Variants in ITGB4 observed in about 807,000 individuals in gnomAD.
ITGB4 encodes integrin subunit beta 4.
ITGB4 carries 159 observed loss-of-function variants against 207.6 expected under a neutral mutation model. That is an observed-to-expected ratio of 0.77 (90% confidence interval 0.67 to 0.87). ITGB4 has a LOEUF of 0.87. Among genes scored for constraint, ITGB4 ranks in the 40% least tolerant of loss-of-function variants. ITGB4 has a pLI of 0.00. For synonymous variants in ITGB4, 1,020 were observed against 1,062.7 expected (o/e 0.96, Z 0.78); for missense variants, 2,278 against 2,546.8 (o/e 0.89, Z 2.27).
At chr17:75,755,587 C>T (rs1599318074) in intron 34 of ITGB4, 114 bp from the exon 35 acceptor site, 5 of 1,361,866 alleles carry the variant, frequency 3.7e-6, no homozygotes, top group Admixed American at 1.7e-5. Context: ...GTTGTCCAGC[C>T]AGCGGTCAGT....
Position 75,727,989 on chromosome 17 carries a change from C to T in ITGB4, c.469+134C>T. On this transcript the variant is annotated intron_variant, in intron 5 of 39. Coordinates refer to ENST00000200181, the MANE Select transcript of ITGB4 (RefSeq NM_000213.5). This position sits in a 1 kb window ranked among gnomAD's most constrained non-coding sequence, Gnocchi z 6.0. ...GACATTTGAGCCCCCAAAAACCTTC[C>T]CTTCCATTCTCAAGGGAAGAATCTC... 1 of 797,130 alleles carries T rather than the reference C, an allele frequency of 1.3e-6. No individual in the cohort carries two copies. Among genetic ancestry groups the T allele is most frequent in the Admixed American group, 2.3e-5 (1 of 42,766 alleles). 49.4% of individuals were successfully genotyped at this position (797,130 alleles called of 1,614,324 possible). A position where few individuals can be genotyped will look rare whatever the true frequency, so the allele number is the denominator to read the frequency against.
chr17:75,751,194 CACT>C, intron 30 of ITGB4, 83 bp downstream of exon 30: 1 of 1,530,564 alleles, frequency 6.5e-7, no homozygotes, highest in Non-Finnish European at 8.9e-7. Context: ...AGCTCTTGGT[CACT>C]CCCTGGACCT....
chr17:75,753,765 G>T lies in ITGB4; in HGVS notation c.4109G>T (p.Gly1370Val). Residue 1370 changes from glycine to valine, a missense_variant and splice_region_variant, in exon 33 of 40, where the codon GGC becomes GTC. By Grantham distance (109) the Gly-to-Val change is moderately radical (BLOSUM62 -3). Transcript: ENST00000200181. ...AACGCGGCCCTTCGTTGTTCCCAAG[G>T]CTGCGGCTGGAAGTTCGAGCCCCTG... The part of the protein sequence containing the change: ...SQRPSVSDDT[G>V]CGWKFEPLLG... 1 of 1,440,750 alleles carries T rather than the reference G, an allele frequency of 6.9e-7. No homozygotes were observed. The highest frequency in any genetic ancestry group is 1.5e-5 in the South Asian group (1 of 66,562). 89.2% of individuals were successfully genotyped at this position (1,440,750 alleles called of 1,614,324 possible). A position where few individuals can be genotyped will look rare whatever the true frequency, so the allele number is the denominator to read the frequency against.
chr17:75,742,533 C>A lies in ITGB4; in HGVS notation c.2782+44C>A, dbSNP rs759557274. On this transcript the variant is annotated intron_variant, in intron 24 of 39. Coordinates refer to ENST00000200181, the MANE Select transcript of ITGB4 (RefSeq NM_000213.5). The surrounding 1 kb of genome is among the most constrained non-coding windows in gnomAD (Gnocchi z 5.9). ...TGTGCCACTGCCTCGCACCTCCCGC[C>A]TGTGTGGCCCTGTGACCCACCTCTG... 6.2e-7 allele frequency: 1 copy of A among 1,613,474 alleles called. No individual in the cohort carries two copies. The highest frequency in any genetic ancestry group is 8.5e-7 in the Non-Finnish European group (1 of 1,179,886).
intron 32 of ITGB4, among the ~76,000 whole-genome samples, chr17:75,752,842 A>G (rs898192919): frequency 6.6e-6 from 1 of 152,176 alleles, no homozygotes; most frequent in African/African-American, 2.4e-5. Context: ...TTGAAGGTTC[A>G]CCAGCTGTGC....
In ITGB4 at chr17:75,736,853, T is replaced by G. The variant is rs981835330; in HGVS notation, c.1990+159T>G. On this transcript the variant is annotated intron_variant, in intron 16 of 39. Coordinates refer to ENST00000200181, the MANE Select transcript of ITGB4 (RefSeq NM_000213.5). The stretch of plus-strand genomic sequence containing the variant: ...GCTGGGAGGGACCACAGAACCCAGA[T>G]AGAGGACACCGAATCCCAGAAAAGG... 6.2e-6 allele frequency: 5 copies of G among 812,086 alleles called. No homozygotes were observed. The African/African-American group carries it at 6.8e-5, about 11-fold the overall frequency. The allele number at this position is 812,086 out of a possible 1,614,324, so 50.3% of individuals were successfully genotyped here.
chr17:75,747,085 A>AT lies in ITGB4; in HGVS notation c.3112-1753dup, dbSNP rs199861365. On this transcript the variant is annotated intron_variant, in intron 26 of 39. Coordinates refer to ENST00000200181, the MANE Select transcript of ITGB4 (RefSeq NM_000213.5). ...TTACATAGATTCACCGATTGCTAAT[A>AT]TTTGCTTTCTCTCTCTTTCTATATA... 3.8e-3 allele frequency among the ~76,000 whole-genome samples: 581 copies of AT among 152,284 alleles called. 8 individuals are homozygous for AT. Among genetic ancestry groups the AT allele is most frequent in the African/African-American group, 0.013 (558 of 41,556 alleles).
In ITGB4 at chr17:75,731,239, C is replaced by T; in HGVS notation, c.1093-7C>T. On this transcript the variant is annotated splice_region_variant and splice_polypyrimidine_tract_variant and intron_variant, in intron 9 of 39. Coordinates refer to ENST00000200181, the MANE Select transcript of ITGB4 (RefSeq NM_000213.5). The surrounding 1 kb of genome is among the most constrained non-coding windows in gnomAD (Gnocchi z 6.8). ...CAGAGCACTGATCAACCTCCTTCCT[C>T]CTTTAGCGGATCCGCTCCAACCTGG... The T allele has an allele frequency of 2.5e-6, 4 of 1,613,350 alleles. No homozygotes were observed. The highest frequency in any genetic ancestry group is 3.4e-6 in the Non-Finnish European group (4 of 1,180,022).
Position 75,740,773 on chromosome 17 carries a change from GCCCCT to G in ITGB4, c.2551-16_2551-12del. The G allele has an allele frequency of 1.2e-6, 2 of 1,612,380 alleles. No homozygotes were observed. Among genetic ancestry groups the G allele is most frequent in the Non-Finnish European group, 1.7e-6 (2 of 1,179,826 alleles). On this transcript the variant is annotated splice_polypyrimidine_tract_variant and intron_variant, in intron 21 of 39. Coordinates refer to ENST00000200181, the MANE Select transcript of ITGB4 (RefSeq NM_000213.5). The surrounding 1 kb of genome is among the most constrained non-coding windows in gnomAD (Gnocchi z 5.9). ...CGGGGTGGCCTAGGCCCAGCCTCACGCCCCTCCCTTGCCTGGCAGCTGAACGAGGT... is the reference window on the plus strand; with the variant it reads ...CGGGGTGGCCTAGGCCCAGCCTCACGCCCTTGCCTGGCAGCTGAACGAGGT...
rs912232171 is a variant in ITGB4, at chr17:75,739,718, C to T, written c.2254+13C>T. 1 of 1,614,104 alleles carries T rather than the reference C, an allele frequency of 6.2e-7. No homozygotes were observed. The highest frequency in any genetic ancestry group is 1.1e-5 in the South Asian group (1 of 91,082). On this transcript the variant is annotated intron_variant, in intron 19 of 39. Coordinates refer to ENST00000200181, the MANE Select transcript of ITGB4 (RefSeq NM_000213.5). This position sits in a 1 kb window ranked among gnomAD's most constrained non-coding sequence, Gnocchi z 5.4. ...TGCTGCAACCGAGGTATGGGCCTGG[C>T]ATCGCAGGGGCAGCAGGGGCTCTGA...
chr17:75,736,166 C>T lies in ITGB4; in HGVS notation c.1761+12C>T. On this transcript the variant is annotated intron_variant, in intron 14 of 39. Transcript: ENST00000200181. ...TCGACAGCAATGGGGTAGGCCTGGG[C>T]ATAAGACAGACAGTGTCTGTCAGCA... 2 of 1,613,032 alleles carry T rather than the reference C, an allele frequency of 1.2e-6. No individual in the cohort carries two copies. Among genetic ancestry groups the T allele is most frequent in the Non-Finnish European group, 1.7e-6 (2 of 1,178,994 alleles).
chr17:75,750,413 T>C lies in ITGB4; in HGVS notation c.3474+145T>C. The C allele has an allele frequency of 1.1e-6, 1 of 921,928 alleles. No homozygotes were observed. Among genetic ancestry groups the C allele is most frequent in the Non-Finnish European group, 1.6e-6 (1 of 616,884 alleles). The allele number at this position is 921,928 out of a possible 1,614,324, so 57.1% of individuals were successfully genotyped here. Reference sequence around the variant, plus strand: ...CACAGGTGGTCAGAGGGAAACCCGGTCTGTGCTGGGAAAGAGGGAAGACCC... The same window carrying C: ...CACAGGTGGTCAGAGGGAAACCCGGCCTGTGCTGGGAAAGAGGGAAGACCC... On this transcript the variant is annotated intron_variant, in intron 28 of 39. Transcript: ENST00000200181. This position sits in a 1 kb window ranked among gnomAD's most constrained non-coding sequence, Gnocchi z 5.5.
chr17:75,755,322 C>T, intron 34 of ITGB4: 1 of 1,218,142 alleles, frequency 8.2e-7, no homozygotes, highest in Non-Finnish European at 1.1e-6. Flanking sequence ...ATTCCATCCA[C>T]AGGACCCCCG....
Position 75,749,229 on chromosome 17 carries a change from C to CT in ITGB4, c.3316+192dup, listed in dbSNP as rs950036281. Among the ~76,000 whole-genome samples the CT allele has an allele frequency of 1.6e-3, 236 of 151,546 alleles. 1 individual carries two copies. Among genetic ancestry groups the CT allele is most frequent in the Middle Eastern group, 3.4e-3 (1 of 292 alleles). On this transcript the variant is annotated intron_variant, in intron 27 of 39. Coordinates refer to ENST00000200181, the MANE Select transcript of ITGB4 (RefSeq NM_000213.5). The stretch of plus-strand genomic sequence containing the variant: ...ATGCAATATTTGGAACATACTTATC[C>CT]TTTTTTTTGCAAAATGGGCTGGGTA...
At chr17:75,724,645 C>G (rs2060681838) in intron 1 of ITGB4, 49 bp from the exon 2 acceptor site, 1 of 1,370,912 alleles carries the variant, frequency 7.3e-7, no homozygotes, top group African/African-American at 1.4e-5. Flanking sequence ...GCTGACGGCA[C>G]CGACCATGGC....
rs2060810609 is a variant in ITGB4, at chr17:75,729,768, G to A, written c.738+332G>A. Among the ~76,000 whole-genome samples the A allele has an allele frequency of 6.6e-6, 1 of 152,190 alleles. No individual in the cohort carries two copies. Among genetic ancestry groups the A allele is most frequent in the South Asian group, 2.1e-4 (1 of 4,834 alleles). ...GCTGCCCAGACTCCACCTGTTCTGGGCATCCAAATAAGCCATTTCCTTTGA... is the reference window on the plus strand; with the variant it reads ...GCTGCCCAGACTCCACCTGTTCTGGACATCCAAATAAGCCATTTCCTTTGA... On this transcript the variant is annotated intron_variant, in intron 7 of 39. Coordinates refer to ENST00000200181, the MANE Select transcript of ITGB4 (RefSeq NM_000213.5). This position sits in a 1 kb window ranked among gnomAD's most constrained non-coding sequence, Gnocchi z 4.4.
chr17:75,739,369 TA>T lies in ITGB4; in HGVS notation c.2221-301del, dbSNP rs1285078507. On this transcript the variant is annotated intron_variant, in intron 18 of 39. Transcript: ENST00000200181. This position sits in a 1 kb window ranked among gnomAD's most constrained non-coding sequence, Gnocchi z 5.4. ...AGAGGCTTTGATAAAGTCCTGTGCC[TA>T]ACCTGCAAGAGGGGCATGGGGAATG... Among the ~76,000 whole-genome samples, 1 of 152,010 alleles carries T rather than the reference TA, an allele frequency of 6.6e-6. No individual in the cohort carries two copies. The highest frequency in any genetic ancestry group is 1.5e-5 in the Non-Finnish European group (1 of 68,012).
In ITGB4 at chr17:75,739,348, G is replaced by A. The variant is rs1339088333; in HGVS notation, c.2221-324G>A. Reference sequence around the variant, plus strand: ...TTCTTCTCTGCAGGACTTCTCAGAGGCTTTGATAAAGTCCTGTGCCTAACC... The same window carrying A: ...TTCTTCTCTGCAGGACTTCTCAGAGACTTTGATAAAGTCCTGTGCCTAACC... On this transcript the variant is annotated intron_variant, in intron 18 of 39. Transcript: ENST00000200181. This position sits in a 1 kb window ranked among gnomAD's most constrained non-coding sequence, Gnocchi z 5.4. Among the ~76,000 whole-genome samples the A allele has an allele frequency of 2.6e-5, 4 of 151,852 alleles. No individual in the cohort carries two copies. Among genetic ancestry groups the A allele is most frequent in the African/African-American group, 9.7e-5 (4 of 41,378 alleles).
At chr17:75,754,030 T>G in intron 33 of ITGB4, 56 bp downstream of exon 33, 1 of 837,682 alleles carries the variant, frequency 1.2e-6, no homozygotes, top group Non-Finnish European at 1.6e-6. Context: ...CACTCGCGCC[T>G]GAGGGCCTGG....
Sources: allele counts gnomAD v4.1 joint callset (sites outside exome capture counted in the v4.1 genomes callset), GRCh38; gene constraint gnomAD v4.1.1; non-coding constraint Gnocchi (gnomAD v3.1); transcripts MANE v1.5; gene names NCBI Gene and HGNC (gene_info 2026-07-23, HGNC 2026-07-21).